Variants in HTT observed in about 807,000 individuals in gnomAD.
The protein encoded by HTT is huntingtin, also known as huntington disease protein.
Under a neutral mutation model 362.3 loss-of-function variants are expected in HTT, and 104 were observed. That is an observed-to-expected ratio of 0.29 (90% confidence interval 0.24 to 0.34). The LOEUF (loss-of-function observed/expected upper bound fraction) is 0.34, where lower values mean the gene tolerates loss of function less well. Ranked by LOEUF, HTT falls within the 10% of genes least tolerant of loss-of-function variation. The probability of loss-of-function intolerance (pLI) is 1.00; values close to 1 mark genes in which losing one functional copy is unlikely to be tolerated. For synonymous variants in HTT, 1,577 were observed against 1,548.7 expected (o/e 1.02, Z -0.43); for missense variants, 3,301 against 3,928.6 (o/e 0.84, Z 4.27).
At chr4:3,081,497 A>G (rs1307302504) in intron 1 of HTT, among the ~76,000 whole-genome samples, 1 of 150,114 alleles carries the variant, frequency 6.7e-6, no homozygotes, top group African/African-American at 2.5e-5. Flanking sequence ...TGCAGGTTAT[A>G]GTTTTCCCAC....
intron 35 of HTT, among the ~76,000 whole-genome samples, chr4:3,179,381 A>G (rs143633299): frequency 6.6e-6 from 1 of 152,206 alleles, no homozygotes; most frequent in Non-Finnish European, 1.5e-5. Flanking sequence ...AACCACACCC[A>G]GTACTTTGTG....
rs1407208079 is a variant in HTT at position 3,174,962 on chromosome 4, A to T, written c.4262A>T (p.His1421Leu). 6.3e-7 allele frequency: 1 copy of T among 1,598,258 alleles called. No individual in the cohort carries two copies. The highest frequency in any genetic ancestry group is 8.6e-7 in the Non-Finnish European group (1 of 1,169,072). ...TTTTTATAGAATGCTATTCATAATC[A>T]CATTCGTTTGTTTGAACCTCTTGTT... is the stretch of plus-strand genomic sequence containing the variant. ...NRADKNAIHN[H>L]IRLFEPLVIK... is the part of the protein sequence containing the mutation. The change falls in exon 33 of 67, where the codon CAC becomes CTC. Residue 1421 changes from histidine to leucine, a missense_variant. Physicochemically the swap from His to Leu is moderately conservative, Grantham distance 99 (BLOSUM62 -3). Around this residue, in one of 4 missense-constraint regions of HTT, gnomAD observed 2,316 missense variants for 2,658.5 expected, o/e 0.87. Transcript: ENST00000355072.
Position 3,125,643 on chromosome 4 carries a change from G to C in HTT, c.1402+14G>C, listed in dbSNP as rs556196095. 5 of 1,582,444 alleles carry C rather than the reference G, an allele frequency of 3.2e-6. No individual in the cohort carries two copies. In the East Asian group the frequency reaches 1.1e-4, roughly 35 times the overall value. On this transcript the variant is annotated intron_variant, in intron 11 of 66. Transcript: ENST00000355072. ...CTGCCTTAACAGGTAGTTCTCACTA[G>C]TTAGCCGCTGGTGTGGACCTTCACT... is the stretch of plus-strand genomic sequence containing the variant.
intron 37 of HTT, among the ~76,000 whole-genome samples, chr4:3,185,777 G>T (rs1277508771): frequency 6.6e-6 from 1 of 152,176 alleles, no homozygotes; most frequent in African/African-American, 2.4e-5. Flanking sequence ...GCTGGGTGTG[G>T]TGGTGTGCGC....
intron 24 of HTT, 100 bp downstream of exon 24, chr4:3,145,328 C>T (rs1716548139): frequency 1.1e-6 from 1 of 901,216 alleles, no homozygotes; most frequent in African/African-American, 1.7e-5. Flanking sequence ...AGTCTTTTAT[C>T]AATTTGGCTT....
chr4:3,215,401 G>A (rs1394315427), intron 51 of HTT, among the ~76,000 whole-genome samples, 190 bp downstream of exon 51: 1 of 152,120 alleles, frequency 6.6e-6, no homozygotes, highest in African/African-American at 2.4e-5. Flanking sequence ...GTTTCCGAGT[G>A]AACACCTTAT....
chr4:3,185,233 G>T (rs1175505221), intron 37 of HTT, among the ~76,000 whole-genome samples: 2 of 152,214 alleles, frequency 1.3e-5, no homozygotes, highest in Non-Finnish European at 2.9e-5. Context: ...CAACAGGGAG[G>T]ATCAGTTCAT....
At chr4:3,098,562 G>A (rs1578496327) in intron 2 of HTT, among the ~76,000 whole-genome samples, 1 of 152,164 alleles carries the variant, frequency 6.6e-6, no homozygotes, top group African/African-American at 2.4e-5. Context: ...CATCAGTTTA[G>A]CTCTCTCTTG....
intron 10 of HTT, 74 bp from the exon 11 acceptor site, chr4:3,125,475 T>C: frequency 2.3e-6 from 2 of 871,540 alleles, no homozygotes; most frequent in Non-Finnish European, 3.9e-6. Flanking sequence ...AGTTTCATTT[T>C]AGAGTGCATT....
At position 3,178,564 on chromosome 4, in the gene HTT, A is replaced by G. The variant is rs966688643; in HGVS notation, c.4612+118A>G. The G allele has an allele frequency of 1.7e-5, 14 of 831,714 alleles. No homozygotes were observed. In the East Asian group the frequency reaches 2.2e-4, roughly 13 times the overall value. 51.5% of individuals were successfully genotyped at this position (831,714 alleles called of 1,614,324 possible). A position where few individuals can be genotyped will look rare whatever the true frequency, so the allele number is the denominator to read the frequency against. On this transcript the variant is annotated intron_variant, in intron 35 of 66. Transcript: ENST00000355072. ...CAGCCATGTGCTTCTCAGGCTCTGCATGTGTGTCTGTGTATGTGAAGGTAC... is the reference window on the plus strand; with the variant it reads ...CAGCCATGTGCTTCTCAGGCTCTGCGTGTGTGTCTGTGTATGTGAAGGTAC...
chr4:3,159,133 C>T (rs1717315608), intron 28 of HTT, among the ~76,000 whole-genome samples: 1 of 152,184 alleles, frequency 6.6e-6, no homozygotes, highest in African/African-American at 2.4e-5. Context: ...TGCTCAGCGT[C>T]TCCACTCCCC....
intron 2 of HTT, among the ~76,000 whole-genome samples, chr4:3,087,836 A>T (rs1713292759): frequency 6.6e-6 from 1 of 152,166 alleles, no homozygotes. Flanking sequence ...ACTGACAAAA[A>T]CGTGTGGTGA....
In HTT at chr4:3,129,931, A is replaced by C; in HGVS notation, c.1751A>C (p.Asp584Ala). ...TPSDSSEIVL[D>A]GTDNQYLGLQ... is the part of the protein sequence containing the mutation. ...CCCCCTTGAACCGTTTAGGTGTTAG[A>C]CGGTACCGACAACCAGTATTTGGGC... The change falls in exon 13 of 67, where the codon GAC (aspartate) becomes GCC (alanine). Residue 584 changes from aspartate (D) to alanine (A), a missense_variant. By Grantham distance (126) the Asp-to-Ala change is moderately radical. Coordinates refer to ENST00000355072, the MANE Select transcript of HTT (RefSeq NM_001388492.1). 6 of 1,613,994 alleles carry C rather than the reference A, an allele frequency of 3.7e-6. No individual in the cohort carries two copies. Among genetic ancestry groups the C allele is most frequent in the Non-Finnish European group, 5.1e-6 (6 of 1,179,962 alleles).
intron 51 of HTT, among the ~76,000 whole-genome samples, chr4:3,216,990 A>C (rs898876253): frequency 2.0e-5 from 3 of 150,614 alleles, no homozygotes; most frequent in East Asian, 2.0e-4. Flanking sequence ...CCGCCACTGC[A>C]CTCCAGCCTG....
Position 3,217,891 on chromosome 4 carries a change from A to G in HTT, c.7181A>G (p.Asn2394Ser). ...GCGTTTCTCACGCCATTGCTAAGGA[A>G]CATCATCATCAGCCTGGCCCGCCTG... is the stretch of plus-strand genomic sequence containing the variant. ...VPAFLTPLLR[N>S]IIISLARLPL... The change falls in exon 52 of 67, where the codon AAC becomes AGC. Residue 2394 changes from asparagine to serine, a missense_variant. Asn to Ser is a conservative substitution (Grantham distance 46). Coordinates refer to ENST00000355072, the MANE Select transcript of HTT (RefSeq NM_001388492.1). 6.2e-7 allele frequency: 1 copy of G among 1,614,064 alleles called. No individual in the cohort carries two copies. Among genetic ancestry groups the G allele is most frequent in the African/African-American group, 1.3e-5 (1 of 75,070 alleles).
Position 3,130,409 on chromosome 4 carries a change from G to T in HTT, c.1972G>T (p.Asp658Tyr). The T allele has an allele frequency of 6.3e-7, 1 of 1,591,802 alleles. No homozygotes were observed. The highest frequency in any genetic ancestry group is 1.1e-5 in the South Asian group (1 of 88,158). ...VLRDEATEPG[D>Y]QENKPCRIKG... is the part of the protein sequence containing the mutation. ...GAGAGATGAAGCTACTGAACCGGGT[G>T]ATCAAGAAAACAAGGTGAGGGACAT... Residue 658 changes from aspartate to tyrosine, a missense_variant, in exon 14 of 67, where the codon GAT becomes TAT. By Grantham distance (160) the Asp-to-Tyr change is radical. This residue lies in a region of HTT where 2,316 missense variants were observed against 2,658.5 expected (regional missense o/e 0.87). Transcript: ENST00000355072.
Position 3,189,055 on chromosome 4 carries a change from G to A in HTT, c.5330G>A (p.Gly1777Asp), listed in dbSNP as rs1718900149. ...QQHTFYCQEL[G>D]TLLMCLIHIF... ...CATACTTTCTATTGCCAGGAACTAG[G>A]CACACTGCTAATGTGTCTGATCCAC... Residue 1777 changes from glycine (G) to aspartate (D), a missense_variant, in exon 40 of 67, where the codon GGC becomes GAC. By Grantham distance (94) the Gly-to-Asp change is moderately conservative (BLOSUM62 -1). Coordinates refer to ENST00000355072, the MANE Select transcript of HTT (RefSeq NM_001388492.1). 3 of 1,614,126 alleles carry A rather than the reference G, an allele frequency of 1.9e-6. No individual in the cohort carries two copies. The highest frequency in any genetic ancestry group is 1.1e-5 in the South Asian group (1 of 91,086).
Position 3,215,155 on chromosome 4 carries a change from C to T in HTT, c.6998C>T (p.Thr2333Ile). The change falls in exon 51 of 67, where the codon ACA becomes ATA. Residue 2333 changes from threonine (T) to isoleucine (I), a missense_variant. Physicochemically the swap from Thr to Ile is moderately conservative, Grantham distance 89 (BLOSUM62 -1). Transcript: ENST00000355072. Reference protein sequence around the residue: ...GEQLLSPERRTNTPKAISEEE... With the variant: ...GEQLLSPERRINTPKAISEEE... ...CAGCTTCTTAGTCCAGAAAGAAGGA[C>T]AAATACCCCAAAAGCCATCAGCGAG... 1 of 1,614,076 alleles carries T rather than the reference C, an allele frequency of 6.2e-7. No homozygotes were observed. Among genetic ancestry groups the T allele is most frequent in the Non-Finnish European group, 8.5e-7 (1 of 1,179,974 alleles).
At position 3,130,086 on chromosome 4, in the gene HTT, T is replaced by C. The variant is rs41264719; in HGVS notation, c.1867+39T>C. 1.1e-3 allele frequency: 1,636 copies of C among 1,541,212 alleles called. 20 individuals carry two copies. In the African/African-American group the frequency reaches 0.021, roughly 19 times the overall value. ...AGGTGATGCGCTACAAAGTGGTTTG[T>C]ATTCAGACCTGGACATCTTAATTAT... On this transcript the variant is annotated intron_variant, in intron 13 of 66. Transcript: ENST00000355072.
Sources: gnomAD v4.1 joint callset for allele counts (sites outside exome capture counted in the v4.1 genomes callset) on GRCh38, gnomAD v4.1.1 for gene constraint, gnomAD v4.1.1 regional missense constraint, MANE v1.5 for transcripts, NCBI Gene and HGNC (gene_info 2026-07-23, HGNC 2026-07-21) for gene names.